Variants in SGMS1 observed in about 807,000 individuals in gnomAD.
The protein encoded by SGMS1 is phosphatidylcholine:ceramide cholinephosphotransferase 1.
SGMS1 carries 13 observed loss-of-function variants against 46.2 expected under a neutral mutation model. The ratio of observed to expected loss-of-function variants is 0.28; its 90% confidence interval spans 0.18 to 0.45. The LOEUF (loss-of-function observed/expected upper bound fraction) is 0.45, where lower values mean the gene tolerates loss of function less well. SGMS1 is among the 20% of genes least tolerant of loss of function. The probability of loss-of-function intolerance (pLI) is 1.00; values close to 1 mark genes in which losing one functional copy is unlikely to be tolerated. For missense variants in SGMS1, 324 were observed against 519.9 expected, an observed-to-expected ratio of 0.62 and a Z score of 3.66; for synonymous variants, 203 against 187.8, an observed-to-expected ratio of 1.08 and a Z score of -0.66.
chr10:50,607,883 G>A (rs1838711959), intron 1 of SGMS1, among the ~76,000 whole-genome samples: 1 of 152,120 alleles, frequency 6.6e-6, no homozygotes, highest in Non-Finnish European at 1.5e-5. Flanking sequence ...GTATTACATG[G>A]ACAGAGCCAG....
upstream of SGMS1, chr10:50,624,065 T>C (rs1451305292): frequency 7.1e-6 from 7 of 983,922 alleles, no homozygotes; most frequent in Non-Finnish European, 8.4e-6. Context: ...CCGGGCGGGG[T>C]CCGCGGGGGG....
At chr10:50,400,453 A>G (rs867628095) in intron 6 of SGMS1, among the ~76,000 whole-genome samples, 107 of 59,478 alleles carry the variant, frequency 1.8e-3, no homozygotes, top group Non-Finnish European at 3.1e-3. Flanking sequence ...ATATATATAT[A>G]GCTATTTTTT....
chr10:50,453,084 G>A (rs2133665251), intron 5 of SGMS1, among the ~76,000 whole-genome samples: 1 of 152,202 alleles, frequency 6.6e-6, no homozygotes, highest in Admixed American at 6.5e-5. Flanking sequence ...TGAGTTCACA[G>A]TCAATAAATC....
At chr10:50,589,406 C>A (rs1020563729) in intron 2 of SGMS1, among the ~76,000 whole-genome samples, 1 of 150,812 alleles carries the variant, frequency 6.6e-6, no homozygotes, top group Admixed American at 6.6e-5. Context: ...GGACTACAGG[C>A]ATGTGCCACC....
At chr10:50,548,250 C>T (rs1838118051) in intron 2 of SGMS1, among the ~76,000 whole-genome samples, 2 of 152,102 alleles carry the variant, frequency 1.3e-5, no homozygotes, top group South Asian at 4.1e-4. Flanking sequence ...CCCAAATAGC[C>T]AAGGCAATCC....
At chr10:50,471,214 A>G (rs1254696093) in intron 3 of SGMS1, among the ~76,000 whole-genome samples, 1 of 152,208 alleles carries the variant, frequency 6.6e-6, no homozygotes, top group Non-Finnish European at 1.5e-5. Context: ...TCCCAGAAAG[A>G]GTGACCAAGT....
intron 3 of SGMS1, among the ~76,000 whole-genome samples, chr10:50,486,741 G>A (rs1273142406): frequency 2.6e-5 from 4 of 152,210 alleles, no homozygotes; most frequent in African/African-American, 9.7e-5. Flanking sequence ...CATTGTGGAA[G>A]ACAATGTGGT....
chr10:50,406,180 A>G (rs1849012114), intron 6 of SGMS1, among the ~76,000 whole-genome samples: 1 of 152,152 alleles, frequency 6.6e-6, no homozygotes, highest in Non-Finnish European at 1.5e-5. Context: ...CTGATTTGCA[A>G]AAGGGGATCT....
At chr10:50,539,197 T>C (rs1312979849) in intron 2 of SGMS1, among the ~76,000 whole-genome samples, 4 of 152,220 alleles carry the variant, frequency 2.6e-5, no homozygotes, top group African/African-American at 9.6e-5. Flanking sequence ...ACTGCTGGAC[T>C]GAGGAGATCT....
rs184438930 is a variant in SGMS1 at position 50,604,603 on chromosome 10, G to A, written c.-683-14356C>T. Among the ~76,000 whole-genome samples the A allele has an allele frequency of 1.8e-4, 28 of 152,254 alleles. No individual in the cohort carries two copies. In the East Asian group the frequency reaches 3.1e-3, roughly 17 times the overall value. On this transcript the variant is annotated intron_variant, in intron 1 of 10. Transcript: ENST00000361781. ...CTGAAATAAAAAATTTATTCAAACA[G>A]TTTCAAGGTTATTCTTTGGAATGGA...
At chr10:50,557,407 G>T (rs1326795538) in intron 2 of SGMS1, among the ~76,000 whole-genome samples, 1 of 151,922 alleles carries the variant, frequency 6.6e-6, no homozygotes, top group Non-Finnish European at 1.5e-5. Context: ...GCTTTTAAAA[G>T]AAATTAGTAA....
At chr10:50,605,055 A>G (rs1838682605) in intron 1 of SGMS1, among the ~76,000 whole-genome samples, 1 of 152,214 alleles carries the variant, frequency 6.6e-6, no homozygotes, top group Non-Finnish European at 1.5e-5. Context: ...CTGTTACTAC[A>G]AAGCTGGAAG....
At chr10:50,589,517 T>C (rs1358615621) in intron 2 of SGMS1, among the ~76,000 whole-genome samples, 1 of 152,212 alleles carries the variant, frequency 6.6e-6, no homozygotes, top group Non-Finnish European at 1.5e-5. Context: ...TCACCCAGGC[T>C]GCAGTGCAGT....
Position 50,343,384 on chromosome 10 carries a change from G to C in SGMS1, c.623+108C>G, listed in dbSNP as rs541978719. On this transcript the variant is annotated intron_variant, in intron 7 of 10. Coordinates refer to ENST00000361781, the MANE Select transcript of SGMS1 (RefSeq NM_147156.4). ...TGTGTTTAAAAAAGAAAAAAAAATA[G>C]TATGTTTTGATCCCAACAAGTTGAT... 6.4e-6 allele frequency: 8 copies of C among 1,242,914 alleles called. No homozygotes were observed. The African/African-American group carries it at 1.1e-4, about 16-fold the overall frequency. 77.0% of individuals were successfully genotyped at this position (1,242,914 alleles called of 1,614,324 possible).
intron 2 of SGMS1, among the ~76,000 whole-genome samples, chr10:50,524,846 A>G (rs1415988404): frequency 1.3e-5 from 2 of 152,180 alleles, no homozygotes; most frequent in Non-Finnish European, 2.9e-5. Flanking sequence ...TGGTGACCCT[A>G]TGACAACACT....
chr10:50,615,821 CTCTCA>C (rs1838791314), intron 1 of SGMS1, among the ~76,000 whole-genome samples: 1 of 152,166 alleles, frequency 6.6e-6, no homozygotes, highest in South Asian at 2.1e-4. Context: ...AATCTCTCTC[CTCTCA>C]TAACTCCCCT....
intron 5 of SGMS1, among the ~76,000 whole-genome samples, chr10:50,458,339 C>CTCTTTTTTTTTTTTTTTTTTT (rs1486288081): frequency 1.0e-5 from 1 of 97,140 alleles, no homozygotes; most frequent in Non-Finnish European, 1.9e-5. Flanking sequence ...TTCTTTTTCT[C>CTCTTTTTTTTTTTTTTTTTTT]TTTTTTTTTT....
At chr10:50,318,102 G>A (rs184544638) in intron 8 of SGMS1, among the ~76,000 whole-genome samples, 150 of 152,234 alleles carry the variant, frequency 9.9e-4, no homozygotes, top group African/African-American at 3.3e-3. Context: ...CAACTTGCCC[G>A]GCCTATAAAA....
At chr10:50,333,030 A>G (rs1046401112) in intron 7 of SGMS1, among the ~76,000 whole-genome samples, 5 of 152,126 alleles carry the variant, frequency 3.3e-5, no homozygotes, top group Non-Finnish European at 5.9e-5. Context: ...AATCCTATGC[A>G]TCTACCTCAT....
Sources: gnomAD v4.1 joint callset for allele counts (sites outside exome capture counted in the v4.1 genomes callset) on GRCh38, gnomAD v4.1.1 for gene constraint, MANE v1.5 for transcripts, NCBI Gene and HGNC (gene_info 2026-07-23, HGNC 2026-07-21) for gene names.